LRRFIP2: variants seen among roughly 807,000 people sequenced by gnomAD.
LRRFIP2 encodes leucine-rich repeat flightless-interacting protein 2.
LRRFIP2 carries 109 observed loss-of-function variants against 125.9 expected under a neutral mutation model. The ratio of observed to expected loss-of-function variants is 0.87; its 90% CI spans 0.74 to 1.01. The LOEUF (loss-of-function observed/expected upper bound fraction) is 1.01. Ranked by LOEUF, LRRFIP2 falls within the 50% of genes least tolerant of loss-of-function variation. The probability of loss-of-function intolerance (pLI) is 0.00; values close to 1 mark genes in which losing one functional copy is unlikely to be tolerated. For synonymous variants in LRRFIP2, 291 were observed against 293.1 expected (o/e 0.99, Z 0.07); for missense variants, 850 against 862.3 (o/e 0.99, Z 0.18).
Position 37,066,391 on chromosome 3 carries a change from G to A in LRRFIP2, c.1465-66C>T, listed in dbSNP as rs1204707542. On this transcript the variant is annotated intron_variant, in intron 21 of 27. Transcript: ENST00000336686. Reference sequence around the variant, plus strand: ...AAAAGAGCAGGTGAAAGGTAGCAGAGAAGTACCTAATTCAAATAAGCAAAG... The same window carrying A: ...AAAAGAGCAGGTGAAAGGTAGCAGAAAAGTACCTAATTCAAATAAGCAAAG... 1.0e-5 allele frequency: 12 copies of A among 1,205,854 alleles called. No individual in the cohort carries two copies. The Admixed American group carries it at 1.7e-4, about 17-fold the overall frequency. 74.7% of individuals were successfully genotyped at this position (1,205,854 alleles called of 1,614,324 possible).
chr3:37,148,901 G>A lies in LRRFIP2; in HGVS notation c.83C>T (p.Ala28Val), dbSNP rs896029991. ...GGGATTTACCAAACATACCTCTCTGGCAATGTTACTCAAAGCTTCATCTTC... is the reference window on the plus strand; with the variant it reads ...GGGATTTACCAAACATACCTCTCTGACAATGTTACTCAAAGCTTCATCTTC... ...SAEDEALSNI[A>V]REAEARLAAK... is the part of the protein sequence containing the mutation. Residue 28 changes from alanine (A) to valine (V), a missense_variant, in exon 2 of 28, where the codon GCC (alanine) becomes GTC (valine). Physicochemically the swap from Ala to Val is moderately conservative, Grantham distance 64. Coordinates refer to ENST00000336686, the MANE Select transcript of LRRFIP2 (RefSeq NM_006309.4). 6.2e-7 allele frequency: 1 copy of A among 1,613,858 alleles called. No individual in the cohort carries two copies. Among genetic ancestry groups the A allele is most frequent in the Non-Finnish European group, 8.5e-7 (1 of 1,179,958 alleles).
intron 21 of LRRFIP2, among the ~76,000 whole-genome samples, chr3:37,069,076 A>T (rs2090689028): frequency 6.6e-6 from 1 of 152,230 alleles, no homozygotes; most frequent in South Asian, 2.1e-4. Flanking sequence ...CTGCCCTTGT[A>T]TTATAATGAT....
chr3:37,109,759 T>C, intron 9 of LRRFIP2, 56 bp from the exon 10 acceptor site: 1 of 1,490,318 alleles, frequency 6.7e-7, no homozygotes, highest in Non-Finnish European at 9.3e-7. Flanking sequence ...TGAATTGGTC[T>C]CACCATCATG....
rs145354675 is a variant in LRRFIP2, at chr3:37,054,665, G to A, written c.1951-150C>T. On this transcript the variant is annotated intron_variant, in intron 26 of 27. Transcript: ENST00000336686. Reference sequence around the variant, plus strand: ...GACTCATAAGTCCTCTCAGAACTCAGTTGCTATTTATAAATCAAGTAATGT... The same window carrying A: ...GACTCATAAGTCCTCTCAGAACTCAATTGCTATTTATAAATCAAGTAATGT... 6.9e-5 allele frequency: 42 copies of A among 607,712 alleles called. No homozygotes were observed. In the African/African-American group the frequency reaches 7.1e-4, roughly 10 times the overall value. The allele number at this position is 607,712 out of a possible 1,614,324, so 37.6% of individuals were successfully genotyped here.
intron 19 of LRRFIP2, among the ~76,000 whole-genome samples, 184 bp downstream of exon 19, chr3:37,083,452 A>ATTTTTTTTTT (rs1559759977): frequency 6.6e-6 from 1 of 152,126 alleles, no homozygotes; most frequent in Non-Finnish European, 1.5e-5. Context: ...TCAAGAAAAT[A>ATTTTTTTTTT]TTTTTTTAAA....
At chr3:37,158,358 G>A (rs773855079) in intron 1 of LRRFIP2, among the ~76,000 whole-genome samples, 2 of 152,150 alleles carry the variant, frequency 1.3e-5, no homozygotes, top group Non-Finnish European at 2.9e-5. Context: ...TGTAATCCCA[G>A]CACTTTGGGA....
chr3:37,153,928 G>A (rs990934937), intron 1 of LRRFIP2, among the ~76,000 whole-genome samples: 18 of 150,554 alleles, frequency 1.2e-4, no homozygotes, highest in South Asian at 2.1e-4. Context: ...TAAAAGAACT[G>A]TATTATTTGG....
chr3:37,111,203 T>A lies in LRRFIP2; in HGVS notation c.439-138A>T, dbSNP rs557516386. ...TCTTCTCCAAAATGTTTTTAAATCATCATATCACATTAAGTCAAAGTGACA... is the reference window on the plus strand; with the variant it reads ...TCTTCTCCAAAATGTTTTTAAATCAACATATCACATTAAGTCAAAGTGACA... On this transcript the variant is annotated intron_variant, in intron 8 of 27. Transcript: ENST00000336686. The A allele has an allele frequency of 1.9e-4, 115 of 598,130 alleles. 1 individual carries two copies. Among genetic ancestry groups the A allele is most frequent in the Non-Finnish European group, 2.8e-4 (95 of 337,638 alleles). 37.1% of individuals were successfully genotyped at this position (598,130 alleles called of 1,614,324 possible). A position where few individuals can be genotyped will look rare whatever the true frequency, so the allele number is the denominator to read the frequency against.
intron 1 of LRRFIP2, chr3:37,173,978 G>A (rs1315584401): frequency 6.6e-6 from 1 of 152,072 alleles, no homozygotes; most frequent in Non-Finnish European, 1.5e-5. Flanking sequence ...TTTCCAAAAG[G>A]GATTTTCCAA....
chr3:37,088,477 G>A (rs2093223297), intron 18 of LRRFIP2, among the ~76,000 whole-genome samples: 1 of 149,626 alleles, frequency 6.7e-6, no homozygotes, highest in African/African-American at 2.5e-5. Flanking sequence ...AGGAGTTGTA[G>A]ATGAGCCTGA....
intron 2 of LRRFIP2, chr3:37,135,011 C>T (rs924852774): frequency 2.0e-6 from 3 of 1,515,112 alleles, no homozygotes; most frequent in East Asian, 2.3e-5. Context: ...CCCAGATGAC[C>T]CCCTAGTGCC....
intron 1 of LRRFIP2, among the ~76,000 whole-genome samples, chr3:37,156,750 G>C (rs1262026997): frequency 1.4e-5 from 2 of 145,740 alleles, no homozygotes; most frequent in East Asian, 4.0e-4. Context: ...ATTAGGAATT[G>C]CAATTAAAAA....
intron 4 of LRRFIP2, among the ~76,000 whole-genome samples, chr3:37,124,762 T>C (rs1039186437): frequency 1.3e-5 from 2 of 152,086 alleles, no homozygotes; most frequent in Non-Finnish European, 2.9e-5. Context: ...AGAAAGAAAA[T>C]GGCAAGGTAT....
At chr3:37,088,471 G>A (rs1221740256) in intron 18 of LRRFIP2, among the ~76,000 whole-genome samples, 2 of 150,304 alleles carry the variant, frequency 1.3e-5, no homozygotes, top group Admixed American at 6.6e-5. Flanking sequence ...GAGCCCAGGA[G>A]TTGTAGATGA....
intron 2 of LRRFIP2, among the ~76,000 whole-genome samples, chr3:37,146,022 G>A (rs4678940): frequency 0.38 from 58,147 of 152,038 alleles, 11,831 homozygotes; most frequent in Non-Finnish European, 0.45. Context: ...GCAAGTGCTG[G>A]ATGTTAGAAT....
intron 20 of LRRFIP2, among the ~76,000 whole-genome samples, chr3:37,073,119 T>G (rs1042284854): frequency 1.3e-5 from 2 of 152,228 alleles, no homozygotes; most frequent in Non-Finnish European, 2.9e-5. Context: ...GGAATAATTG[T>G]TCCAACCACA....
At chr3:37,061,814 C>T (rs759566469) in intron 24 of LRRFIP2, among the ~76,000 whole-genome samples, 1 of 152,178 alleles carries the variant, frequency 6.6e-6, no homozygotes, top group Non-Finnish European at 1.5e-5. Flanking sequence ...TACTCACTCC[C>T]ACAGTCATAT....
intron 15 of LRRFIP2, among the ~76,000 whole-genome samples, chr3:37,100,049 G>A (rs1474475370): frequency 6.6e-6 from 1 of 152,116 alleles, no homozygotes; most frequent in African/African-American, 2.4e-5. Flanking sequence ...TCTACAAGAT[G>A]AGTTGGACTA....
At position 37,065,900 on chromosome 3, in the gene LRRFIP2, C is replaced by T. The variant is rs2090032809; in HGVS notation, c.1609G>A (p.Asp537Asn). The T allele has an allele frequency of 1.9e-6, 3 of 1,614,070 alleles. No individual in the cohort carries two copies. ...VIIPDGTPNG[D>N]VSHEPVAGAI... ...CCAGCCACTGGTTCATGACTGACAT[C>T]ACCATTGGGAGTGCCATCGGGGATT... is the stretch of plus-strand genomic sequence containing the variant. Residue 537 changes from aspartate to asparagine, a missense_variant, in exon 23 of 28, where the codon GAT becomes AAT. Physicochemically the swap from Asp to Asn is conservative, Grantham distance 23 (BLOSUM62 1). Transcript: ENST00000336686.
Sources: gnomAD v4.1 joint callset for allele counts (sites outside exome capture counted in the v4.1 genomes callset) on GRCh38, gnomAD v4.1.1 for gene constraint, MANE v1.5 for transcripts, NCBI Gene and HGNC (gene_info 2026-07-23, HGNC 2026-07-21) for gene names.